The following SGCD variants were observed in gnomAD, a reference collection of about 807,000 sequenced individuals.
SGCD encodes sarcoglycan delta, also known as delta-sarcoglycan.
A neutral mutation model predicts 36.6 loss-of-function variants in SGCD; 18 were observed. The observed-to-expected ratio is 0.49, with a 90% CI of 0.34 to 0.73. The LOEUF (loss-of-function observed/expected upper bound fraction) is 0.73, where lower values mean the gene tolerates loss of function less well. Among genes scored for constraint, SGCD ranks in the 30% least tolerant of loss-of-function variants. The pLI is 0.01. For synonymous variants in SGCD, 133 were observed against 130.6 expected (o/e 1.02, Z -0.12); for missense variants, 387 against 346.7 (o/e 1.12, Z -0.92).
At chr5:156,498,065 G>C (rs1372740027) in intron 3 of SGCD, among the ~76,000 whole-genome samples, 1 of 152,112 alleles carries the variant, frequency 6.6e-6, no homozygotes, top group Non-Finnish European at 1.5e-5. Context: ...ACGTTGCCCA[G>C]CATGTTCCTT....
At chr5:156,365,408 T>C (rs368349302) in intron 3 of SGCD, among the ~76,000 whole-genome samples, 91 of 152,276 alleles carry the variant, frequency 6.0e-4, no homozygotes, top group African/African-American at 2.1e-3. Flanking sequence ...ATGATATGCT[T>C]TCAGAAACAG....
intron 3 of SGCD, among the ~76,000 whole-genome samples, chr5:156,295,572 GTC>G (rs1204550853): frequency 6.6e-6 from 1 of 151,996 alleles, no homozygotes; most frequent in African/African-American, 2.4e-5. Flanking sequence ...TGGTCTGGAG[GTC>G]TCTCATAGGA....
intron 3 of SGCD, among the ~76,000 whole-genome samples, chr5:156,399,088 G>T (rs1289269785): frequency 1.3e-5 from 2 of 152,176 alleles, no homozygotes; most frequent in African/African-American, 2.4e-5. Flanking sequence ...TGTTGTAATA[G>T]TTGATCTATT....
At chr5:156,197,955 C>T (rs781524413) in intron 3 of SGCD, among the ~76,000 whole-genome samples, 8 of 152,052 alleles carry the variant, frequency 5.3e-5, no homozygotes, top group East Asian at 1.9e-4. Context: ...GGGAGGAAGC[C>T]GGGGTTATCC....
intron 4 of SGCD, among the ~76,000 whole-genome samples, chr5:156,570,367 C>T (rs1470206623): frequency 6.6e-6 from 1 of 152,134 alleles, no homozygotes; most frequent in African/African-American, 2.4e-5. Context: ...TCAGGGTGTC[C>T]ACATTCTTGC....
intron 2 of SGCD, 40 bp downstream of exon 2, chr5:156,329,619 C>CTCATGG (rs1561623000): frequency 2.5e-6 from 4 of 1,589,650 alleles, no homozygotes; most frequent in Non-Finnish European, 3.4e-6. Flanking sequence ...CAAGGCCCTG[C>CTCATGG]TCATGGTCAT....
chr5:155,776,526 A>T, the SGCD span, among the ~76,000 whole-genome samples: 1 of 152,144 alleles, frequency 6.6e-6, no homozygotes, highest in East Asian at 1.9e-4. Context: ...AATCCTTAGG[A>T]TGGAAGAAAC....
intron 3 of SGCD, among the ~76,000 whole-genome samples, chr5:156,206,806 T>C (rs1469880569): frequency 6.6e-6 from 1 of 152,050 alleles, no homozygotes. Context: ...ATATAGAATA[T>C]ATCCAAAAGA....
the SGCD span, among the ~76,000 whole-genome samples, chr5:155,752,144 T>C: frequency 6.6e-5 from 10 of 152,226 alleles, no homozygotes; most frequent in African/African-American, 1.9e-4. Flanking sequence ...TGTGTCTCAT[T>C]TGGACAAGTG....
intron 1 of SGCD, among the ~76,000 whole-genome samples, chr5:156,072,395 A>G (rs1235056422): frequency 2.6e-5 from 4 of 151,988 alleles, no homozygotes; most frequent in African/African-American, 7.3e-5. Flanking sequence ...TATGAAGCTT[A>G]ATTTGGCTGG....
At chr5:156,271,978 C>T (rs138277784) in intron 3 of SGCD, among the ~76,000 whole-genome samples, 422 of 152,218 alleles carry the variant, frequency 2.8e-3, no homozygotes, top group African/African-American at 9.2e-3. Context: ...TCTTAGCAGA[C>T]GAAAATGTCA....
At chr5:156,261,590 T>C (rs1765867117) in intron 3 of SGCD, among the ~76,000 whole-genome samples, 1 of 152,210 alleles carries the variant, frequency 6.6e-6, no homozygotes, top group African/African-American at 2.4e-5. Context: ...TACTATATAC[T>C]TTTTATCATT....
chr5:156,392,120 T>G (rs1439303615), intron 3 of SGCD, among the ~76,000 whole-genome samples: 2 of 152,218 alleles, frequency 1.3e-5, no homozygotes, highest in African/African-American at 4.8e-5. Flanking sequence ...TTTCAGACTC[T>G]AAGACATTTG....
At chr5:156,514,326 C>A (rs256837) in intron 4 of SGCD, among the ~76,000 whole-genome samples, 21,709 of 152,140 alleles carry the variant, frequency 0.14, 1,977 homozygotes, top group Non-Finnish European at 0.2. Context: ...TTATTAAGCA[C>A]CTATTATTGT....
chr5:156,406,817 TATAC>T (rs1432861284), intron 3 of SGCD, among the ~76,000 whole-genome samples: 73 of 113,808 alleles, frequency 6.4e-4, no homozygotes, highest in East Asian at 1.9e-3. Flanking sequence ...TATATATATA[TATAC>T]ACACACACAC....
chr5:155,980,921 T>C (rs1170092859), intron 1 of SGCD, among the ~76,000 whole-genome samples: 1 of 152,212 alleles, frequency 6.6e-6, no homozygotes, highest in African/African-American at 2.4e-5. Context: ...ACCAAACAAC[T>C]GTTGGCACCA....
chr5:155,946,278 G>A (rs1235061316), intron 1 of SGCD, among the ~76,000 whole-genome samples: 1 of 152,132 alleles, frequency 6.6e-6, no homozygotes, highest in Non-Finnish European at 1.5e-5. Flanking sequence ...CACCTTGCAA[G>A]TTAGATAACA....
intron 3 of SGCD, among the ~76,000 whole-genome samples, chr5:156,311,281 C>T (rs967742138): frequency 6.6e-6 from 1 of 152,044 alleles, no homozygotes; most frequent in Non-Finnish European, 1.5e-5. Context: ...GCAATCCTAG[C>T]CATAGATATG....
rs192572081 is a variant in SGCD, at chr5:156,015,202, G to C, written c.-281-102676G>C. Among the ~76,000 whole-genome samples the C allele has an allele frequency of 4.7e-3, 717 of 152,142 alleles. 3 individuals carry two copies. Among genetic ancestry groups the C allele is most frequent in the Admixed American group, 7.5e-3 (115 of 15,272 alleles). On this transcript the variant is annotated intron_variant, in intron 1 of 9. Coordinates refer to the SGCD transcript ENST00000517913. ...TTAGGTTCTCTAAAGTAAGGAAAAG[G>C]CCTCCCTTTCTTCTTTCTTATTAAT... is the stretch of plus-strand genomic sequence containing the variant.
Sources: allele counts gnomAD v4.1 joint callset (sites outside exome capture counted in the v4.1 genomes callset), GRCh38; gene constraint gnomAD v4.1.1; transcripts MANE v1.5; gene names NCBI Gene and HGNC (gene_info 2026-07-23, HGNC 2026-07-21).